The following IQCH variants were observed in gnomAD, a reference collection of about 807,000 sequenced individuals.
IQCH encodes IQ motif containing H, also known as IQ domain-containing protein H.
In IQCH, 98 loss-of-function variants were observed where a neutral mutation model predicts 117.0. The observed-to-expected ratio is 0.84, with a 90% CI of 0.71 to 0.99. IQCH has a LOEUF of 0.99. IQCH is among the 50% of genes least tolerant of loss of function. The pLI is 0.00. For missense variants in IQCH, 1,102 were observed against 1,243.8 expected, an observed-to-expected ratio of 0.89 and a Z score of 1.72; for synonymous variants, 412 against 448.2, an observed-to-expected ratio of 0.92 and a Z score of 1.02.
At position 67,475,717 on chromosome 15, in the gene IQCH, G is replaced by C; in HGVS notation, c.2698G>C (p.Ala900Pro). 2 of 1,614,020 alleles carry C rather than the reference G, an allele frequency of 1.2e-6. No homozygotes were observed. Among genetic ancestry groups the C allele is most frequent in the Non-Finnish European group, 1.7e-6 (2 of 1,179,874 alleles). The change falls in exon 18 of 21, where the codon GCA becomes CCA. Residue 900 changes from alanine (A) to proline (P), a missense_variant. This residue lies in a region of IQCH where 650 missense variants were observed against 794.3 expected (regional missense o/e 0.82). Transcript: ENST00000335894. The surrounding 1 kb of genome is among the most constrained non-coding windows in gnomAD (Gnocchi z 5.7). ...CCAGATGCTGGCAACCAGTCGCTAT[G>C]CAGTGATGACCACCCAGCTAAGACA... ...SMPMLATSRY[A>P]VMTTQLRHSN...
intron 5 of IQCH, among the ~76,000 whole-genome samples, chr15:67,338,264 G>A (rs1163638593): frequency 9.2e-6 from 1 of 108,846 alleles, no homozygotes; most frequent in East Asian, 2.3e-4. Context: ...CTCTGCTTTA[G>A]CAATAGAGAC....
In IQCH at chr15:67,467,239, A is replaced by T. The variant is rs189622782; in HGVS notation, c.2676+1942A>T. ...CTCTGTCTCAAAAAATAAAAATAAA[A>T]ATAAAGCTGGAAGCAGAGTGGTATT... On this transcript the variant is annotated intron_variant, in intron 17 of 20. Coordinates refer to ENST00000335894, the MANE Select transcript of IQCH (RefSeq NM_001031715.3). The surrounding 1 kb of genome is among the most constrained non-coding windows in gnomAD (Gnocchi z 5.7). 1.3e-5 allele frequency among the ~76,000 whole-genome samples: 2 copies of T among 152,244 alleles called. No homozygotes were observed. The highest frequency in any genetic ancestry group is 1.3e-4 in the Admixed American group (2 of 15,298).
rs1449433392 is a variant in IQCH at position 67,474,377 on chromosome 15, ATCT to A, written c.2677-1315_2677-1313del. Reference sequence around the variant, plus strand: ...TTCAAGAGCCAAGCCAGGCACCTTTATCTTCTATGCCCTAAGGTTGGCCATGGC... The same window carrying A: ...TTCAAGAGCCAAGCCAGGCACCTTTATCTATGCCCTAAGGTTGGCCATGGC... On this transcript the variant is annotated intron_variant, in intron 17 of 20. Transcript: ENST00000335894. This position sits in a 1 kb window ranked among gnomAD's most constrained non-coding sequence, Gnocchi z 4.1. Among the ~76,000 whole-genome samples, 2 of 152,096 alleles carry A rather than the reference ATCT, an allele frequency of 1.3e-5. No individual in the cohort carries two copies. Among genetic ancestry groups the A allele is most frequent in the African/African-American group, 4.8e-5 (2 of 41,404 alleles).
At position 67,300,598 on chromosome 15, in the gene IQCH, G is replaced by C. The variant is rs147275119; in HGVS notation, c.387+21086G>C. 6.8e-4 allele frequency among the ~76,000 whole-genome samples: 103 copies of C among 152,260 alleles called. 4 individuals are homozygous for C. The East Asian group carries it at 0.012, about 17-fold the overall frequency. ...ATGATATTAAGCAATATCCACTTTA[G>C]AAGACACTACTTGCAGGAAACACTG... is the stretch of plus-strand genomic sequence containing the variant. On this transcript the variant is annotated intron_variant, in intron 4 of 20. Transcript: ENST00000335894.
rs180887784 is a variant in IQCH, at chr15:67,417,743, A to G, written c.2218+692A>G. ...TCCCTGTCAGATGTTACACAGAGGC[A>G]CACCTATGCAACGGCCCTCAGTCTC... On this transcript the variant is annotated intron_variant, in intron 15 of 20. Transcript: ENST00000335894. The surrounding 1 kb of genome is among the most constrained non-coding windows in gnomAD (Gnocchi z 4.3). Among the ~76,000 whole-genome samples, 398 of 152,274 alleles carry G rather than the reference A, an allele frequency of 2.6e-3. 6 individuals carry two copies. The highest frequency in any genetic ancestry group is 6.8e-4 in the Non-Finnish European group (46 of 68,024).
At chr15:67,378,630 T>C (rs1970817586) in intron 10 of IQCH, among the ~76,000 whole-genome samples, 1 of 152,006 alleles carries the variant, frequency 6.6e-6, no homozygotes, top group South Asian at 2.1e-4. Flanking sequence ...TCATTTATAC[T>C]GGTTAGATCA....
intron 7 of IQCH, among the ~76,000 whole-genome samples, chr15:67,358,201 T>C (rs1457994019): frequency 2.9e-5 from 2 of 69,386 alleles, no homozygotes; most frequent in African/African-American, 1.2e-4. Flanking sequence ...TGAGGCACTT[T>C]CTTTTCTTTT....
intron 5 of IQCH, among the ~76,000 whole-genome samples, chr15:67,338,789 T>C (rs1053471082): frequency 6.6e-5 from 10 of 152,302 alleles, no homozygotes; most frequent in African/African-American, 2.2e-4. Flanking sequence ...TCTCTGATCT[T>C]AGAAGAAACT....
Position 67,439,042 on chromosome 15 carries a change from C to T in IQCH, c.2505+17465C>T, listed in dbSNP as rs145214945. Among the ~76,000 whole-genome samples, 776 of 152,240 alleles carry T rather than the reference C, an allele frequency of 5.1e-3. 13 individuals carry two copies. Among genetic ancestry groups the T allele is most frequent in the African/African-American group, 0.018 (737 of 41,516 alleles). On this transcript the variant is annotated intron_variant, in intron 16 of 20. Coordinates refer to ENST00000335894, the MANE Select transcript of IQCH (RefSeq NM_001031715.3). ...AATAAATAATGGATTTAAACTATAC[C>T]TTGGAACAAATGGACTTAACAGATA...
intron 4 of IQCH, among the ~76,000 whole-genome samples, chr15:67,285,007 G>C (rs1966507251): frequency 6.6e-6 from 1 of 152,106 alleles, no homozygotes; most frequent in South Asian, 2.1e-4. Context: ...GCTATTTCTG[G>C]TTCTAGATCT....
rs2082370537 is a variant in IQCH, at chr15:67,445,452, GTT to G, written c.2506-19671_2506-19670del. Among the ~76,000 whole-genome samples the G allele has an allele frequency of 6.6e-6, 1 of 151,894 alleles. No homozygotes were observed. The highest frequency in any genetic ancestry group is 2.4e-5 in the African/African-American group (1 of 41,344). On this transcript the variant is annotated intron_variant, in intron 16 of 20. Transcript: ENST00000335894. This position sits in a 1 kb window ranked among gnomAD's most constrained non-coding sequence, Gnocchi z 4.3. ...TACCTCATGTCTGGTTTTTTTGTTTGTTTTTGAGATGGAGTCTTGCTCTGTCG... is the reference window on the plus strand; with the variant it reads ...TACCTCATGTCTGGTTTTTTTGTTTGTTTGAGATGGAGTCTTGCTCTGTCG...
intron 8 of IQCH, among the ~76,000 whole-genome samples, chr15:67,360,410 G>T (rs1406738481): frequency 2.0e-5 from 3 of 152,156 alleles, no homozygotes; most frequent in Non-Finnish European, 4.4e-5. Context: ...CCACAATATG[G>T]CAAGTACATG....
chr15:67,325,696 C>T (rs1293930657), intron 4 of IQCH, among the ~76,000 whole-genome samples: 1 of 151,898 alleles, frequency 6.6e-6, no homozygotes, highest in Admixed American at 6.6e-5. Flanking sequence ...ATTATAACAC[C>T]TAAGAAAATA....
rs1311681004 is a variant in IQCH, at chr15:67,386,406, C to T, written c.1456+1387C>T. Among the ~76,000 whole-genome samples the T allele has an allele frequency of 6.6e-6, 1 of 151,980 alleles. No individual in the cohort carries two copies. The highest frequency in any genetic ancestry group is 1.5e-5 in the Non-Finnish European group (1 of 67,986). On this transcript the variant is annotated intron_variant, in intron 11 of 20. Coordinates refer to ENST00000335894, the MANE Select transcript of IQCH (RefSeq NM_001031715.3). This position sits in a 1 kb window ranked among gnomAD's most constrained non-coding sequence, Gnocchi z 5.0. ...TGAACATTTCTGAGAGATTATGAACCAAATGCTTTTTTCTTGGTATATAGT... is the reference window on the plus strand; with the variant it reads ...TGAACATTTCTGAGAGATTATGAACTAAATGCTTTTTTCTTGGTATATAGT...
chr15:67,487,264 T>C (rs1044852092), intron 18 of IQCH, among the ~76,000 whole-genome samples: 4 of 152,062 alleles, frequency 2.6e-5, no homozygotes, highest in African/African-American at 9.6e-5. Flanking sequence ...ACCCAGGAGG[T>C]AGAGGTTGCA....
intron 18 of IQCH, among the ~76,000 whole-genome samples, chr15:67,489,655 G>GT (rs2083594841): frequency 1.3e-5 from 2 of 151,880 alleles, no homozygotes; most frequent in African/African-American, 4.8e-5. Flanking sequence ...TAGAACAGTG[G>GT]TTTTCATATT....
rs2083210599 is a variant in IQCH at position 67,476,742 on chromosome 15, T to A, written c.2799+924T>A. On this transcript the variant is annotated intron_variant, in intron 18 of 20. Transcript: ENST00000335894. The surrounding 1 kb of genome is among the most constrained non-coding windows in gnomAD (Gnocchi z 4.1). ...CTCCAGAAAAATAGTTTCATGTTTT[T>A]CTACTTTGATTCAGATTTTCAAGTC... Among the ~76,000 whole-genome samples the A allele has an allele frequency of 1.3e-5, 2 of 152,212 alleles. No individual in the cohort carries two copies. Among genetic ancestry groups the A allele is most frequent in the Non-Finnish European group, 2.9e-5 (2 of 68,024 alleles).
intron 4 of IQCH, chr15:67,307,029 C>G: frequency 1.5e-6 from 2 of 1,338,000 alleles, no homozygotes; most frequent in Non-Finnish European, 1.9e-6. Flanking sequence ...TTTAAAAGAA[C>G]AATTATGAAT....
intron 4 of IQCH, among the ~76,000 whole-genome samples, chr15:67,327,221 G>C (rs1025860127): frequency 6.6e-6 from 1 of 152,166 alleles, no homozygotes; most frequent in African/African-American, 2.4e-5. Flanking sequence ...ACAAAATCAA[G>C]TAAATATGAT....
Sources: gnomAD v4.1 joint callset for allele counts (sites outside exome capture counted in the v4.1 genomes callset) on GRCh38, gnomAD v4.1.1 for gene constraint, gnomAD v4.1.1 regional missense constraint, Gnocchi (gnomAD v3.1) non-coding constraint, MANE v1.5 for transcripts, NCBI Gene and HGNC (gene_info 2026-07-23, HGNC 2026-07-21) for gene names.